Variants in LARP4B observed in about 807,000 individuals in gnomAD.
LARP4B encodes la-related protein 4B.
LARP4B carries 12 observed loss-of-function variants against 89.8 expected under a neutral mutation model. That is an observed-to-expected ratio of 0.13 (90% confidence interval 0.09 to 0.22). The LOEUF (loss-of-function observed/expected upper bound fraction) is 0.22. Among genes scored for constraint, LARP4B ranks in the 10% least tolerant of loss-of-function variants. LARP4B has a pLI of 1.00. For synonymous variants in LARP4B, 367 were observed against 363.3 expected, an observed-to-expected ratio of 1.01 and a Z score of -0.12; for missense variants, 757 against 947.7, an observed-to-expected ratio of 0.80 and a Z score of 2.64.
chr10:863,961 G>C, intron 4 of LARP4B, 78 bp from the exon 5 acceptor site: 1 of 1,562,852 alleles, frequency 6.4e-7, no homozygotes, highest in South Asian at 1.2e-5. Flanking sequence ...CACTTGCAGT[G>C]ACTCAACTTC....
chr10:939,959 C>T, the LARP4B span, among the ~76,000 whole-genome samples: 2 of 152,134 alleles, frequency 1.3e-5, no homozygotes, highest in Admixed American at 6.5e-5. Flanking sequence ...GGTTCTCGTG[C>T]CTCAGCCTCC....
chr10:908,421 G>C (rs1341967111), intron 1 of LARP4B, among the ~76,000 whole-genome samples: 2 of 152,214 alleles, frequency 1.3e-5, no homozygotes, highest in Non-Finnish European at 2.9e-5. Flanking sequence ...AGTCTGTCAA[G>C]CAAAGTAATG....
chr10:931,780 C>G (rs1346208539), upstream of LARP4B: 1 of 151,462 alleles, frequency 6.6e-6, no homozygotes, highest in Non-Finnish European at 1.5e-5. Context: ...CGCACTCACC[C>G]GCCGGTCCCG....
chr10:877,926 CG>C (rs1835520503), intron 3 of LARP4B, among the ~76,000 whole-genome samples: 1 of 152,140 alleles, frequency 6.6e-6, no homozygotes, highest in Non-Finnish European at 1.5e-5. Flanking sequence ...AACTGCTACA[CG>C]TAAAGGGTCT....
At chr10:844,918 T>G in intron 6 of LARP4B, 59 bp downstream of exon 6, 2 of 1,263,638 alleles carry the variant, frequency 1.6e-6, no homozygotes, top group South Asian at 2.6e-5. Context: ...TGTATATACT[T>G]TAACTATTTG....
At chr10:955,378 G>A in the LARP4B span, among the ~76,000 whole-genome samples, 2 of 152,246 alleles carry the variant, frequency 1.3e-5, no homozygotes, top group Non-Finnish European at 2.9e-5. The surrounding 1 kb of genome is among the most constrained non-coding windows in gnomAD (Gnocchi z 5.2). Context: ...AGGTGCCTGA[G>A]TACACTGCCA....
At chr10:818,590 A>C (rs1309795869) in intron 14 of LARP4B, 1 of 152,274 alleles carries the variant, frequency 6.6e-6, no homozygotes, top group African/African-American at 2.4e-5. Context: ...CTCAGAAGAA[A>C]GGCAGTAATA....
At chr10:879,016 C>G (rs1246487401) in intron 3 of LARP4B, among the ~76,000 whole-genome samples, 1 of 152,118 alleles carries the variant, frequency 6.6e-6, no homozygotes, top group Non-Finnish European at 1.5e-5. Context: ...GTCACACTTC[C>G]ACAACAAGAG....
chr10:932,029 C>A (rs1830642221), upstream of LARP4B, among the ~76,000 whole-genome samples: 1 of 149,912 alleles, frequency 6.7e-6, no homozygotes, highest in East Asian at 2.0e-4. Context: ...GCGCCTGACG[C>A]TGGGGGGCCG....
intron 5 of LARP4B, among the ~76,000 whole-genome samples, chr10:856,646 C>T (rs1017386449): frequency 6.6e-6 from 1 of 152,182 alleles, no homozygotes; most frequent in African/African-American, 2.4e-5. Flanking sequence ...GAGTCTCAGT[C>T]ATTGGCGGGT....
At chr10:916,338 T>C (rs919176054) in intron 1 of LARP4B, among the ~76,000 whole-genome samples, 6 of 152,240 alleles carry the variant, frequency 3.9e-5, no homozygotes, top group Admixed American at 2.0e-4. Flanking sequence ...AGTTTACACT[T>C]GGCTACAGTC....
chr10:836,514 G>A lies in LARP4B; in HGVS notation c.647-8C>T, dbSNP rs1357380443. On this transcript the variant is annotated splice_region_variant and splice_polypyrimidine_tract_variant and intron_variant, in intron 7 of 17. Transcript: ENST00000316157. Reference sequence around the variant, plus strand: ...CTTGGACTAAAGGTAAAGCTACAAAGAGAAGAAAAATCAATGGTGAAACAA... The same window carrying A: ...CTTGGACTAAAGGTAAAGCTACAAAAAGAAGAAAAATCAATGGTGAAACAA... The A allele has an allele frequency of 1.3e-6, 2 of 1,571,942 alleles. No homozygotes were observed. Among genetic ancestry groups the A allele is most frequent in the Non-Finnish European group, 1.7e-6 (2 of 1,145,612 alleles).
chr10:893,633 C>A (rs924293115), intron 1 of LARP4B, among the ~76,000 whole-genome samples: 33 of 152,150 alleles, frequency 2.2e-4, no homozygotes, highest in African/African-American at 7.5e-4. Context: ...CCTTATTCAT[C>A]TACGCTTTTC....
intron 11 of LARP4B, among the ~76,000 whole-genome samples, chr10:827,254 C>T (rs1037232783): frequency 5.7e-5 from 8 of 140,778 alleles, no homozygotes; most frequent in African/African-American, 1.9e-4. Flanking sequence ...CCAGCCTGGG[C>T]GACAGAGAGA....
chr10:979,871 T>C, the LARP4B span, among the ~76,000 whole-genome samples: 23 of 152,198 alleles, frequency 1.5e-4, no homozygotes, highest in Non-Finnish European at 2.6e-4. Flanking sequence ...CTCGGGAGGC[T>C]GAGGCAGGAG....
chr10:916,566 A>G (rs1044234172), intron 1 of LARP4B, among the ~76,000 whole-genome samples: 4 of 152,284 alleles, frequency 2.6e-5, no homozygotes, highest in South Asian at 2.1e-4. Flanking sequence ...GTGGTGGCGC[A>G]TGCCTGTAAT....
chr10:936,517 C>G (rs557704551), upstream of LARP4B, among the ~76,000 whole-genome samples: 12 of 152,036 alleles, frequency 7.9e-5, no homozygotes, highest in Non-Finnish European at 1.6e-4. Context: ...GTCAGGAGTT[C>G]GAGACCAGCC....
intron 3 of LARP4B, among the ~76,000 whole-genome samples, chr10:876,160 C>T (rs188997685): frequency 1.8e-4 from 27 of 152,252 alleles, no homozygotes; most frequent in African/African-American, 5.3e-4. Context: ...CCAAAGCAGG[C>T]GGATCACCTG....
At chr10:933,947 C>T (rs1830717682), upstream of LARP4B, among the ~76,000 whole-genome samples, 2 of 152,006 alleles carry the variant, frequency 1.3e-5, no homozygotes, top group Admixed American at 1.3e-4. Flanking sequence ...ATTCTCCTGC[C>T]TCAGCCTCCG....
Sources: gnomAD v4.1 joint callset for allele counts (sites outside exome capture counted in the v4.1 genomes callset) on GRCh38, gnomAD v4.1.1 for gene constraint, Gnocchi (gnomAD v3.1) non-coding constraint, MANE v1.5 for transcripts, NCBI Gene and HGNC (gene_info 2026-07-23, HGNC 2026-07-21) for gene names.